BANF2: variants seen among roughly 807,000 people sequenced by gnomAD.
The protein encoded by BANF2 is barrier-to-autointegration factor-like protein.
Under a neutral mutation model 8.0 loss-of-function variants are expected in BANF2, and 4 were observed. That is an observed-to-expected ratio of 0.50 (90% CI 0.25 to 1.14). The LOEUF (loss-of-function observed/expected upper bound fraction) is 1.14. BANF2 is among the 50% of genes most tolerant of loss of function. BANF2 has a pLI of 0.16. For synonymous variants in BANF2, 50 were observed against 40.6 expected, an observed-to-expected ratio of 1.23 and a Z score of -0.88; for missense variants, 96 against 107.5, an observed-to-expected ratio of 0.89 and a Z score of 0.47.
Position 17,722,753 on chromosome 20 carries a change from C to T in BANF2, c.-129C>T. 5.1e-6 allele frequency: 5 copies of T among 984,762 alleles called. No individual in the cohort carries two copies. Among genetic ancestry groups the T allele is most frequent in the Non-Finnish European group, 6.0e-6 (5 of 829,348 alleles). The allele number at this position is 984,762 out of a possible 1,614,324, so 61.0% of individuals were successfully genotyped here. Reference sequence around the variant, plus strand: ...CATCAAGGCCACTTTTCTTAGGAGCCCCCTGACTTCCAAAATCAGTGCCTT... The same window carrying T: ...CATCAAGGCCACTTTTCTTAGGAGCTCCCTGACTTCCAAAATCAGTGCCTT... On this transcript the variant is annotated 5_prime_UTR_variant, in exon 2 of 4. Coordinates refer to ENST00000246090, the MANE Select transcript of BANF2 (RefSeq NM_178477.5).
At chr20:17,718,924 A>G (rs391778) in intron 1 of BANF2, among the ~76,000 whole-genome samples, 151,481 of 152,304 alleles carry the variant, frequency 0.99, 75,335 homozygotes, top group Middle Eastern at 1. Flanking sequence ...GTAATACAAG[A>G]ACTTTTACAG....
At chr20:17,713,322 T>C (rs922110948) in intron 1 of BANF2, among the ~76,000 whole-genome samples, 1 of 151,532 alleles carries the variant, frequency 6.6e-6, no homozygotes, top group Non-Finnish European at 1.5e-5. Flanking sequence ...TCAAGCTGAG[T>C]AAAATAGGCC....
At chr20:17,712,557 C>T (rs1342587972) in intron 1 of BANF2, 2 of 979,740 alleles carry the variant, frequency 2.0e-6, no homozygotes, top group Non-Finnish European at 2.4e-6. Context: ...AAGTTCAAGC[C>T]CCGTGCCCAT....
At chr20:17,703,516 C>T (rs1388072040) in intron 1 of BANF2, among the ~76,000 whole-genome samples, 1 of 152,176 alleles carries the variant, frequency 6.6e-6, no homozygotes, top group African/African-American at 2.4e-5. Context: ...CGGCCTAGAA[C>T]AGCAAAGATT....
At chr20:17,704,239 A>G (rs2037450541) in intron 1 of BANF2, among the ~76,000 whole-genome samples, 1 of 152,230 alleles carries the variant, frequency 6.6e-6, no homozygotes, top group Non-Finnish European at 1.5e-5. Context: ...AGTCACTTCA[A>G]CAGTGCTGTG....
rs150414706 is a variant in BANF2, at chr20:17,703,967, C to G, written c.-167+3912C>G. On this transcript the variant is annotated intron_variant, in intron 1 of 3. Coordinates refer to ENST00000246090, the MANE Select transcript of BANF2 (RefSeq NM_178477.5). ...TTCACCATGTTGGCCAGGCTGATCTCAAACTCCTGACCTCAGGCCTCTGCC... is the reference window on the plus strand; with the variant it reads ...TTCACCATGTTGGCCAGGCTGATCTGAAACTCCTGACCTCAGGCCTCTGCC... Among the ~76,000 whole-genome samples the G allele has an allele frequency of 2.5e-3, 377 of 152,308 alleles. 1 individual carries two copies. The highest frequency in any genetic ancestry group is 8.5e-3 in the African/African-American group (352 of 41,566).
In BANF2 at chr20:17,725,065, G is replaced by GA. The variant is rs769565100; in HGVS notation, c.42dup (p.Pro15ThrfsTer16). On this transcript the variant is annotated frameshift_variant, in exon 3 of 4. Transcript: ENST00000246090. LOFTEE classifies it high-confidence loss of function. Reference sequence around the variant, plus strand: ...TCCCAGGCTGAGAGCCTTCCTCTCCGAACCCATTGGAGAAAAGGATGTCTG... The same window carrying GA: ...TCCCAGGCTGAGAGCCTTCCTCTCCGAAACCCATTGGAGAAAAGGATGTCTG... 1 of 1,607,620 alleles carries GA rather than the reference G, an allele frequency of 6.2e-7. No homozygotes were observed. The highest frequency in any genetic ancestry group is 2.2e-5 in the East Asian group (1 of 44,850).
intron 3 of BANF2, among the ~76,000 whole-genome samples, chr20:17,729,506 T>C (rs1195658654): frequency 6.6e-6 from 1 of 152,126 alleles, no homozygotes; most frequent in Non-Finnish European, 1.5e-5. Context: ...GGAGGCCAGG[T>C]CAGGCAGATC....
intron 1 of BANF2, among the ~76,000 whole-genome samples, chr20:17,702,401 C>G (rs998672064): frequency 2.6e-5 from 4 of 152,194 alleles, no homozygotes; most frequent in Admixed American, 6.5e-5. Flanking sequence ...AGAAAATCTG[C>G]TAATCGAAAG....
intron 1 of BANF2, among the ~76,000 whole-genome samples, chr20:17,702,899 GGAGCTGCGCTTGTT>G (rs2037429969): frequency 6.6e-6 from 1 of 152,196 alleles, no homozygotes; most frequent in South Asian, 2.1e-4. Context: ...GTGGGACTGA[GGAGCTGCGCTTGTT>G]GTTTAAATGG....
intron 1 of BANF2, among the ~76,000 whole-genome samples, chr20:17,694,939 A>G (rs2037333360): frequency 1.3e-5 from 2 of 151,914 alleles, no homozygotes; most frequent in African/African-American, 2.4e-5. Context: ...GGCTTTGAAC[A>G]TACACTATCC....
upstream of BANF2, among the ~76,000 whole-genome samples, chr20:17,699,471 A>G (rs1279081204): frequency 2.6e-5 from 4 of 152,172 alleles, no homozygotes; most frequent in Admixed American, 2.6e-4. Flanking sequence ...CTAATATTTA[A>G]GTTACTTCTC....
chr20:17,702,980 C>G (rs1455382149), intron 1 of BANF2, among the ~76,000 whole-genome samples: 1 of 152,188 alleles, frequency 6.6e-6, no homozygotes, highest in Non-Finnish European at 1.5e-5. Flanking sequence ...CGCTGCTGCT[C>G]TGGGCCCTGC....
chr20:17,716,286 C>G (rs185667750), intron 1 of BANF2, among the ~76,000 whole-genome samples: 4 of 152,308 alleles, frequency 2.6e-5, no homozygotes, highest in Admixed American at 2.6e-4. Flanking sequence ...TGGGAGAGGG[C>G]TCCTCAGAGT....
At chr20:17,694,065 G>A (rs769668023) in intron 1 of BANF2, among the ~76,000 whole-genome samples, 3 of 152,342 alleles carry the variant, frequency 2.0e-5, no homozygotes, top group Non-Finnish European at 4.4e-5. Flanking sequence ...TACATACAAC[G>A]TGTGGCCTAA....
intron 1 of BANF2, among the ~76,000 whole-genome samples, chr20:17,705,239 T>A (rs1046700865): frequency 2.0e-5 from 3 of 152,206 alleles, no homozygotes; most frequent in African/African-American, 7.2e-5. Flanking sequence ...AAGAGGTGAT[T>A]CTCCATGTAA....
intron 1 of BANF2, among the ~76,000 whole-genome samples, chr20:17,703,465 C>T (rs1224324898): frequency 1.3e-5 from 2 of 152,190 alleles, no homozygotes; most frequent in Non-Finnish European, 2.9e-5. Context: ...CGGTCATGGC[C>T]CCAGTAACTT....
At position 17,725,006 on chromosome 20, in the gene BANF2, C is replaced by G; in HGVS notation, c.-3-17C>G. On this transcript the variant is annotated splice_polypyrimidine_tract_variant and intron_variant, in intron 2 of 3. Transcript: ENST00000246090. ...CAGGTATCTGCTAATCCTCCTCTCTCCCCACTGCTGTCGCAGGAGATGGAC... is the reference window on the plus strand; with the variant it reads ...CAGGTATCTGCTAATCCTCCTCTCTGCCCACTGCTGTCGCAGGAGATGGAC... 6.2e-7 allele frequency: 1 copy of G among 1,601,994 alleles called. No homozygotes were observed. Among genetic ancestry groups the G allele is most frequent in the Non-Finnish European group, 8.5e-7 (1 of 1,170,028 alleles).
intron 1 of BANF2, chr20:17,693,823 C>G: frequency 4.1e-6 from 5 of 1,225,332 alleles, no homozygotes; most frequent in South Asian, 4.0e-5. Context: ...GGTGCTTTCC[C>G]GAATTCTGAA....
Sources: gnomAD v4.1 joint callset for allele counts (sites outside exome capture counted in the v4.1 genomes callset) on GRCh38, gnomAD v4.1.1 for gene constraint, MANE v1.5 for transcripts, NCBI Gene and HGNC (gene_info 2026-07-23, HGNC 2026-07-21) for gene names.